The following KIAA1217 variants were observed in gnomAD, a reference collection of about 807,000 sequenced individuals.
KIAA1217 encodes sickle tail protein homolog.
KIAA1217 carries 88 observed loss-of-function variants against 163.9 expected under a neutral mutation model. The ratio of observed to expected loss-of-function variants is 0.54; its 90% CI spans 0.45 to 0.64. The LOEUF (loss-of-function observed/expected upper bound fraction) is 0.64, where lower values mean the gene tolerates loss of function less well. KIAA1217 is among the 30% of genes least tolerant of loss of function. The pLI, the probability that KIAA1217 is intolerant of heterozygous loss-of-function variation, is 0.00. For missense variants in KIAA1217, 2,372 were observed against 2,475.0 expected (o/e 0.96, Z 0.88); for synonymous variants, 903 against 923.1 (o/e 0.98, Z 0.39).
Position 24,543,135 on chromosome 10 carries a change from C to T in KIAA1217, c.3865C>T (p.Leu1289=). 3 of 1,613,074 alleles carry T rather than the reference C, an allele frequency of 1.9e-6. No individual in the cohort carries two copies. Among genetic ancestry groups the T allele is most frequent in the Non-Finnish European group, 2.5e-6 (3 of 1,179,906 alleles). Reference sequence around the variant, plus strand: ...AAACAAAGGGTCTAAAATCTCAGGCCTGCAATACTCTATACCTGACACCGA... The same window carrying T: ...AAACAAAGGGTCTAAAATCTCAGGCTTGCAATACTCTATACCTGACACCGA... ...EINKGSKISG[L]QYSIPDTENQ... The change falls in exon 19 of 21, where the codon CTG becomes TTG. Residue 1289 remains leucine (L), a synonymous_variant. Transcript: ENST00000376454.
chr10:24,013,717 A>G (rs1847349355), intron 2 of KIAA1217, among the ~76,000 whole-genome samples: 1 of 152,174 alleles, frequency 6.6e-6, no homozygotes, highest in Non-Finnish European at 1.5e-5. Flanking sequence ...AGACTGGATG[A>G]GAATCCAAAT....
intron 1 of KIAA1217, among the ~76,000 whole-genome samples, chr10:23,764,921 A>G (rs1333893340): frequency 6.6e-6 from 1 of 152,150 alleles, no homozygotes; most frequent in African/African-American, 2.4e-5. Context: ...TAATATCAAC[A>G]TTCTCGTCTG....
At chr10:23,958,895 G>T (rs61849192) in intron 1 of KIAA1217, among the ~76,000 whole-genome samples, 1 of 150,322 alleles carries the variant, frequency 6.7e-6, no homozygotes, top group Non-Finnish European at 1.5e-5. Context: ...TCATGCACAG[G>T]TTGTCACCAC....
chr10:24,433,702 A>T, intron 4 of KIAA1217, among the ~76,000 whole-genome samples: 1 of 152,102 alleles, frequency 6.6e-6, no homozygotes. Flanking sequence ...TTCCCCCTCA[A>T]GTGTTCTTTC....
At chr10:24,415,117 T>C (rs1420041014) in intron 3 of KIAA1217, among the ~76,000 whole-genome samples, 1 of 129,452 alleles carries the variant, frequency 7.7e-6, no homozygotes, top group East Asian at 2.3e-4. Context: ...TCTCTTTTTT[T>C]TTTTTTTTTT....
intron 2 of KIAA1217, among the ~76,000 whole-genome samples, chr10:24,226,526 C>T (rs1463669274): frequency 2.0e-5 from 3 of 151,798 alleles, no homozygotes; most frequent in Admixed American, 2.0e-4. Flanking sequence ...CCTGTAGTCC[C>T]AGCTACTCTG....
At chr10:23,723,308 C>T (rs2130768548) in intron 1 of KIAA1217, among the ~76,000 whole-genome samples, 1 of 152,226 alleles carries the variant, frequency 6.6e-6, no homozygotes, top group South Asian at 2.1e-4. Flanking sequence ...CTCTTTGTCA[C>T]TGTGAGCTGC....
intron 1 of KIAA1217, among the ~76,000 whole-genome samples, chr10:23,712,038 C>T (rs572688047): frequency 4.4e-4 from 67 of 152,226 alleles, no homozygotes; most frequent in African/African-American, 1.4e-3. Context: ...CTTCACCTTC[C>T]AAATCTCATG....
chr10:23,871,930 A>G (rs1018564984), intron 1 of KIAA1217, among the ~76,000 whole-genome samples: 10 of 152,122 alleles, frequency 6.6e-5, no homozygotes, highest in South Asian at 2.1e-4. Flanking sequence ...ATTAATGCCA[A>G]TGAGTCCTGA....
At chr10:24,305,560 C>T (rs1308002926) in intron 2 of KIAA1217, among the ~76,000 whole-genome samples, 2 of 152,094 alleles carry the variant, frequency 1.3e-5, no homozygotes, top group Non-Finnish European at 2.9e-5. Context: ...AAACTAAATC[C>T]CCCCCATGGT....
At chr10:24,087,585 T>A (rs1475963703) in intron 2 of KIAA1217, among the ~76,000 whole-genome samples, 1 of 152,182 alleles carries the variant, frequency 6.6e-6, no homozygotes, top group African/African-American at 2.4e-5. Flanking sequence ...AATAAATGAA[T>A]TAGCGAAAGG....
At chr10:24,212,739 G>A (rs962015209) in intron 1 of KIAA1217, among the ~76,000 whole-genome samples, 1 of 152,086 alleles carries the variant, frequency 6.6e-6, no homozygotes, top group African/African-American at 2.4e-5. Context: ...ATTCTCTCTT[G>A]TGTCTGCCTG....
chr10:24,243,360 T>C (rs914835462), intron 2 of KIAA1217, among the ~76,000 whole-genome samples: 2 of 152,128 alleles, frequency 1.3e-5, no homozygotes, highest in African/African-American at 4.8e-5. Context: ...AGTGCACCCA[T>C]TATTCAACTA....
At position 24,387,038 on chromosome 10, in the gene KIAA1217, G is replaced by T. The variant is rs192514018; in HGVS notation, c.553+5971G>T. Among the ~76,000 whole-genome samples the T allele has an allele frequency of 3.1e-4, 47 of 152,304 alleles. No homozygotes were observed. In the East Asian group the frequency reaches 9.0e-3, roughly 29 times the overall value. The stretch of plus-strand genomic sequence containing the variant: ...AGGGAGTTTCATAGCAGGTCAATAA[G>T]TTCATGGTCAGGCTCTTAGGCTGCT... On this transcript the variant is annotated intron_variant, in intron 3 of 20. Transcript: ENST00000376454.
At chr10:23,991,648 A>G (rs889415966) in intron 1 of KIAA1217, among the ~76,000 whole-genome samples, 2 of 152,176 alleles carry the variant, frequency 1.3e-5, no homozygotes, top group Non-Finnish European at 2.9e-5. Flanking sequence ...AGATATTCAT[A>G]TATCTAGAAC....
chr10:23,852,574 G>A (rs918800557), intron 1 of KIAA1217, among the ~76,000 whole-genome samples: 37 of 152,110 alleles, frequency 2.4e-4, no homozygotes, highest in African/African-American at 8.7e-4. Context: ...AGCTTGATGG[G>A]GATGCCATTG....
At chr10:24,208,398 TGTG>T (rs2067687433), upstream of KIAA1217, among the ~76,000 whole-genome samples, 1 of 151,428 alleles carries the variant, frequency 6.6e-6, no homozygotes, top group African/African-American at 2.4e-5. Context: ...TGTGTGTGTG[TGTG>T]TAAGTGTGTT....
intron 1 of KIAA1217, among the ~76,000 whole-genome samples, chr10:23,758,491 TC>T (rs1457339653): frequency 6.6e-6 from 1 of 152,154 alleles, no homozygotes; most frequent in Non-Finnish European, 1.5e-5. Flanking sequence ...GTGTGAGTCT[TC>T]CAGCTTTGTT....
At chr10:24,529,894 T>C (rs1280227089) in intron 14 of KIAA1217, among the ~76,000 whole-genome samples, 1 of 149,852 alleles carries the variant, frequency 6.7e-6, no homozygotes, top group African/African-American at 2.5e-5. Flanking sequence ...GCCTCCTGGG[T>C]TCAAGCAATT....
Sources: allele counts gnomAD v4.1 joint callset (sites outside exome capture counted in the v4.1 genomes callset), GRCh38; gene constraint gnomAD v4.1.1; transcripts MANE v1.5; gene names NCBI Gene and HGNC (gene_info 2026-07-23, HGNC 2026-07-21).